TTC34: variants seen among roughly 807,000 people sequenced by gnomAD.
TTC34 encodes the protein tetratricopeptide repeat protein 34.
Under a neutral mutation model 40.7 loss-of-function variants are expected in TTC34, and 44 were observed. That is an observed-to-expected ratio of 1.08 (90% CI 0.85 to 1.39). The LOEUF is 1.39. Among genes scored for constraint, TTC34 ranks in the 40% most tolerant of loss-of-function variants. TTC34 has a pLI of 0.00. For synonymous variants in TTC34, 422 were observed against 398.6 expected, an observed-to-expected ratio of 1.06 and a Z score of -0.70; for missense variants, 884 against 838.0, an observed-to-expected ratio of 1.05 and a Z score of -0.68.
intron 6 of TTC34, among the ~76,000 whole-genome samples, chr1:2,695,013 G>C (rs566988765): frequency 5.9e-5 from 9 of 152,164 alleles, no homozygotes; most frequent in African/African-American, 1.7e-4. Flanking sequence ...GGATCTGACA[G>C]CCTGGAACAG....
intron 6 of TTC34, among the ~76,000 whole-genome samples, chr1:2,652,642 C>A (rs1639188436): frequency 6.6e-6 from 1 of 151,526 alleles, no homozygotes; most frequent in African/African-American, 2.4e-5. Flanking sequence ...GCAGCATCCA[C>A]ACCCCCAGGT....
rs1477240775 is a variant in TTC34, at chr1:2,691,241, A to G, written c.2227-45678T>C. Among the ~76,000 whole-genome samples the G allele has an allele frequency of 4.0e-4, 32 of 80,952 alleles. 11 individuals carry two copies. The highest frequency in any genetic ancestry group is 8.4e-4 in the Admixed American group (7 of 8,318). The allele number at this position is 80,952 out of a possible 152,430, so 53.1% of individuals were successfully genotyped here. A position where few individuals can be genotyped will look rare whatever the true frequency, so the allele number is the denominator to read the frequency against. On this transcript the variant is annotated intron_variant, in intron 6 of 8. Coordinates refer to ENST00000401095, the Ensembl canonical transcript of TTC34. ...CCACACGCCCAGGTGAGCATCTGAC[A>G]GCCTGCAACAGCACCCACACCCCCA...
rs531213290 is a variant in TTC34 at position 2,684,934 on chromosome 1, G to A, written c.2227-39371C>T. 1.0e-4 allele frequency among the ~76,000 whole-genome samples: 14 copies of A among 135,830 alleles called. No individual in the cohort carries two copies. The South Asian group carries it at 1.6e-3, about 15-fold the overall frequency. 89.1% of individuals were successfully genotyped at this position (135,830 alleles called of 152,430 possible). A position where few individuals can be genotyped will look rare whatever the true frequency, so the allele number is the denominator to read the frequency against. On this transcript the variant is annotated intron_variant, in intron 6 of 8. Coordinates refer to ENST00000401095, the Ensembl canonical transcript of TTC34. ...ACCCTGCACACCCAGGTGAGCATCC[G>A]ACAGCCTGGAGCACCACCCACACCC... is the stretch of plus-strand genomic sequence containing the variant.
intron 6 of TTC34, among the ~76,000 whole-genome samples, chr1:2,690,477 AAAGCCCGCAG>A: frequency 7.5e-6 from 1 of 133,846 alleles, no homozygotes; most frequent in East Asian, 2.4e-4. Context: ...TGAGCATCTG[AAAGCCCGCAG>A]CATCACCCGC....
At chr1:2,780,255 A>G (rs1643460604) in intron 6 of TTC34, among the ~76,000 whole-genome samples, 2 of 152,134 alleles carry the variant, frequency 1.3e-5, no homozygotes, top group African/African-American at 4.8e-5. Context: ...TTTTTACTCT[A>G]TTATAATAGT....
exon 3 of TTC34, chr1:2,789,657 T>C (rs1643639222): frequency 7.5e-7 from 1 of 1,332,178 alleles, no homozygotes; most frequent in East Asian, 3.1e-5. Flanking sequence ...ACGTAGGCCT[T>C]GGCGGCCAGC....
chr1:2,641,381 C>A (rs1042946066), exon 9 of TTC34: 13 of 1,514,702 alleles, frequency 8.6e-6, no homozygotes, highest in Non-Finnish European at 1.1e-5. Flanking sequence ...CTGTAGCCAG[C>A]AGCCTGAGGA....
chr1:2,684,393 C>T (rs1236312389), intron 6 of TTC34, among the ~76,000 whole-genome samples: 1 of 149,822 alleles, frequency 6.7e-6, no homozygotes, highest in African/African-American at 2.5e-5. Context: ...ACAGAATCCA[C>T]ACCCCCAGGT....
chr1:2,786,973 A>G (rs1378290802), intron 4 of TTC34, among the ~76,000 whole-genome samples: 15 of 152,184 alleles, frequency 9.9e-5, no homozygotes, highest in Admixed American at 9.8e-4. Context: ...GAATCCCACC[A>G]GAGTGTAACC....
At chr1:2,682,704 CACACACCCAGGTGAGCAACTG>C (rs1640133343) in intron 6 of TTC34, among the ~76,000 whole-genome samples, 1 of 136,276 alleles carries the variant, frequency 7.3e-6, no homozygotes, top group Non-Finnish European at 1.7e-5. Context: ...GAGCAGCACC[CACACACCCAGGTGAGCAACTG>C]ACAGCCTGGA....
chr1:2,683,911 C>G (rs368867805), intron 6 of TTC34, among the ~76,000 whole-genome samples: 4 of 148,492 alleles, frequency 2.7e-5, no homozygotes, highest in Non-Finnish European at 4.5e-5. Context: ...TCGGCACCCA[C>G]ACCTCCAGGT....
chr1:2,756,975 C>T (rs1375455838), intron 6 of TTC34, among the ~76,000 whole-genome samples: 117 of 148,070 alleles, frequency 7.9e-4, no homozygotes, highest in Admixed American at 1.4e-3. Flanking sequence ...CAGACTGGAA[C>T]AGCACCCACA....
At chr1:2,787,888 C>T (rs541238718) in intron 3 of TTC34, among the ~76,000 whole-genome samples, 182 bp from the exon 4 acceptor site, 14 of 152,370 alleles carry the variant, frequency 9.2e-5, no homozygotes, top group Admixed American at 7.8e-4. Context: ...GCGGCCCTCA[C>T]GCTCTCCCTT....
At chr1:2,799,008 TCTCAG>T (rs1643744006) in intron 2 of TTC34, among the ~76,000 whole-genome samples, 1 of 131,312 alleles carries the variant, frequency 7.6e-6, no homozygotes, top group African/African-American at 2.9e-5. Flanking sequence ...CCTCCCAGCC[TCTCAG>T]CCTCCAAGCC....
intron 6 of TTC34, among the ~76,000 whole-genome samples, chr1:2,673,280 A>T (rs1639766526): frequency 1.2e-5 from 1 of 82,620 alleles, no homozygotes; most frequent in Non-Finnish European, 3.1e-5. Flanking sequence ...CCACACCCCC[A>T]GGTGAGCATT....
chr1:2,750,888 C>A (rs1413876841), intron 6 of TTC34, among the ~76,000 whole-genome samples: 9,729 of 120,212 alleles, frequency 0.081, 2,468 homozygotes, highest in South Asian at 0.17. Context: ...CACCCAAACC[C>A]CCAGGCGAGC....
chr1:2,801,012 G>T (rs1427504547), intron 1 of TTC34, 144 bp from the exon 2 acceptor site: 4 of 397,546 alleles, frequency 1.0e-5, no homozygotes, highest in African/African-American at 2.1e-5. Flanking sequence ...AAACTGGGGG[G>T]ATCCTGGGCT....
At chr1:2,681,235 C>A (rs1640059055) in intron 6 of TTC34, among the ~76,000 whole-genome samples, 5 of 125,402 alleles carry the variant, frequency 4.0e-5, no homozygotes, top group Admixed American at 7.6e-5. Flanking sequence ...CCCAGGCGAG[C>A]ATCCGACAGC....
chr1:2,641,418 G>C, exon 9 of TTC34: 2 of 1,532,716 alleles, frequency 1.3e-6, no homozygotes, highest in Non-Finnish European at 1.7e-6. Context: ...CTGGCCTTCA[G>C]TCTCTTCAGG....
Sources: gnomAD v4.1 joint callset for allele counts (sites outside exome capture counted in the v4.1 genomes callset) on GRCh38, gnomAD v4.1.1 for gene constraint, MANE v1.5 for transcripts, NCBI Gene and HGNC (gene_info 2026-07-23, HGNC 2026-07-21) for gene names.